Variants in FLT4 observed in about 807,000 individuals in gnomAD.
FLT4 encodes fms related receptor tyrosine kinase 4.
FLT4 carries 30 observed loss-of-function variants against 163.2 expected under a neutral mutation model. The ratio of observed to expected loss-of-function variants is 0.18; its 90% CI spans 0.14 to 0.25. The LOEUF is 0.25. Among genes scored for constraint, FLT4 ranks in the 10% least tolerant of loss-of-function variants. FLT4 has a pLI of 1.00. For missense variants in FLT4, 1,510 were observed against 1,863.8 expected, an observed-to-expected ratio of 0.81 and a Z score of 3.50; for synonymous variants, 884 against 789.5, an observed-to-expected ratio of 1.12 and a Z score of -2.01.
chr5:180,614,687 C>G (rs908030726), intron 23 of FLT4, among the ~76,000 whole-genome samples: 1 of 147,480 alleles, frequency 6.8e-6, no homozygotes, highest in African/African-American at 2.5e-5. Context: ...CCCTGAGGGC[C>G]AGGGCCCTTC....
chr5:180,626,663 C>A (rs886242000), intron 8 of FLT4, among the ~76,000 whole-genome samples: 1 of 152,240 alleles, frequency 6.6e-6, no homozygotes, highest in Non-Finnish European at 1.5e-5. Flanking sequence ...GGGTCCCACA[C>A]ACCTGGTTCC....
rs1295144727 is a variant in FLT4 at position 180,619,029 on chromosome 5, G to C, written c.2842C>G (p.Pro948Ala). 13 of 1,553,076 alleles carry C rather than the reference G, an allele frequency of 8.4e-6. No homozygotes were observed. The highest frequency in any genetic ancestry group is 1.1e-5 in the Non-Finnish European group (13 of 1,149,398). Residue 948 changes from proline (P) to alanine (A), a missense_variant, in exon 20 of 30, where the codon CCC becomes GCC. This residue lies in a region of FLT4 where 878 missense variants were observed against 1,016.7 expected (regional missense o/e 0.86). Transcript: ENST00000261937. ...FLRAKRDAFS[P>A]CAEKSPEQRG... ...GCAGGCCGCCCGCTCACCGCGCAGG[G>C]GCTGAAGGCGTCCCGCTTGGCGCGC...
Position 180,620,139 on chromosome 5 carries a change from A to T in FLT4, c.2542+34T>A. ...GCCTGCAGCAGGTGGGTCGGGCAGG[A>T]GGTGTGGGTTGGGCAGGCTGGTGCT... On this transcript the variant is annotated intron_variant, in intron 17 of 29. Coordinates refer to ENST00000261937, the MANE Select transcript of FLT4 (RefSeq NM_182925.5). The surrounding 1 kb of genome is among the most constrained non-coding windows in gnomAD (Gnocchi z 4.4). 1.3e-6 allele frequency: 2 copies of T among 1,592,406 alleles called. No individual in the cohort carries two copies. Among genetic ancestry groups the T allele is most frequent in the East Asian group, 2.2e-5 (1 of 44,572 alleles).
chr5:180,618,349 G>A (rs1399821316), intron 21 of FLT4, among the ~76,000 whole-genome samples: 1 of 76,328 alleles, frequency 1.3e-5, no homozygotes, highest in Non-Finnish European at 2.8e-5. Flanking sequence ...ACCCTCTCCT[G>A]CCCCTCAGCC....
intron 1 of FLT4, among the ~76,000 whole-genome samples, chr5:180,646,458 C>A (rs1034190248): frequency 2.0e-5 from 3 of 152,220 alleles, no homozygotes; most frequent in African/African-American, 7.2e-5. Context: ...CATTCACCAT[C>A]TGGACTTGCC....
chr5:180,619,357 G>T lies in FLT4; in HGVS notation c.2657C>A (p.Thr886Lys), dbSNP rs771222400. 6.2e-6 allele frequency: 10 copies of T among 1,608,988 alleles called. No homozygotes were observed. Among genetic ancestry groups the T allele is most frequent in the Non-Finnish European group, 7.6e-6 (9 of 1,178,962 alleles). The change falls in exon 19 of 30, where the codon ACG becomes AAG. Residue 886 changes from threonine (T) to lysine (K), a missense_variant. Around this residue, in one of 5 missense-constraint regions of FLT4, gnomAD observed 878 missense variants for 1,016.7 expected, o/e 0.86. Transcript: ENST00000261937. ...VAVKMLKEGA[T>K]ASEHRALMSE... ...CATCAGCGCGCGGTGCTCGCTGGCC[G>T]TGGCGCCCTCTGGAGGGGACACGGG...
intron 29 of FLT4, 122 bp downstream of exon 29, chr5:180,608,846 A>T (rs986259922): frequency 8.2e-6 from 7 of 855,358 alleles, no homozygotes; most frequent in Non-Finnish European, 1.4e-5. Context: ...ACGCGCGAAA[A>T]GGCCATAGGG....
chr5:180,634,848 GGAT>G (rs1159008477), intron 1 of FLT4, among the ~76,000 whole-genome samples: 2 of 109,612 alleles, frequency 1.8e-5, no homozygotes, highest in East Asian at 2.8e-4. Flanking sequence ...ATGCATGGAT[GGAT>G]GGAAGTATGG....
rs1763370264 is a variant in FLT4, at chr5:180,623,848, G to A, written c.1548+87C>T. 1 of 1,558,368 alleles carries A rather than the reference G, an allele frequency of 6.4e-7. No individual in the cohort carries two copies. Among genetic ancestry groups the A allele is most frequent in the East Asian group, 2.2e-5 (1 of 44,576 alleles). On this transcript the variant is annotated intron_variant, in intron 11 of 29. Coordinates refer to ENST00000261937, the MANE Select transcript of FLT4 (RefSeq NM_182925.5). The surrounding 1 kb of genome is among the most constrained non-coding windows in gnomAD (Gnocchi z 5.8). The stretch of plus-strand genomic sequence containing the variant: ...GGCTGCTCTGCCCAGCACTCTGGAA[G>A]CCAGGTGGAAACCACATGGCAGTAA...
At chr5:180,611,704 G>A (rs2127792599) in intron 26 of FLT4, 1 of 602,148 alleles carries the variant, frequency 1.7e-6, no homozygotes, top group East Asian at 2.8e-5. Flanking sequence ...AACAGACCAT[G>A]CGGGCACGTG....
At position 180,602,966 on chromosome 5, in the gene FLT4, G is replaced by GT. The variant is rs1581596084; in HGVS notation, c.*225_*226insA. On this transcript the variant is annotated 3_prime_UTR_variant, in exon 30 of 30. Transcript: ENST00000261937. ...AATGACATCTGAATCTCAGGGGGAG[G>GT]GGCCGGGGCAGCTGGAGCGTGGCCC... 1.7e-6 allele frequency: 1 copy of GT among 598,454 alleles called. No homozygotes were observed. The allele number at this position is 598,454 out of a possible 1,614,324, so 37.1% of individuals were successfully genotyped here.
intron 8 of FLT4, among the ~76,000 whole-genome samples, chr5:180,628,066 G>A (rs536118229): frequency 1.3e-5 from 2 of 152,204 alleles, no homozygotes; most frequent in Non-Finnish European, 1.5e-5. Flanking sequence ...GCCCTGCCAG[G>A]AGGGAGGTGC....
At chr5:180,615,105 G>GACAAGCTCCAATCAGA (rs1188784310) in intron 23 of FLT4, among the ~76,000 whole-genome samples, 1 of 152,102 alleles carries the variant, frequency 6.6e-6, no homozygotes, top group Admixed American at 6.5e-5. Flanking sequence ...GCGGGGCAAA[G>GACAAGCTCCAATCAGA]ACAAGCTCCA....
At chr5:180,616,573 C>T (rs921118521) in intron 22 of FLT4, 84 bp from the exon 23 acceptor site, 6 of 1,477,260 alleles carry the variant, frequency 4.1e-6, no homozygotes, top group Non-Finnish European at 5.6e-6. Context: ...GGTGCCCAAG[C>T]AGTGGGGACC....
At chr5:180,622,052 G>C (rs1400212699) in intron 12 of FLT4, 148 bp from the exon 13 acceptor site, 7 of 879,766 alleles carry the variant, frequency 8.0e-6, no homozygotes, top group African/African-American at 3.4e-5. Context: ...CCCACCAAAA[G>C]CCCAGGTCAT....
chr5:180,619,493 AGAG>A (rs1762957838), intron 18 of FLT4, 127 bp from the exon 19 acceptor site: 1 of 104,226 alleles, frequency 9.6e-6, no homozygotes, highest in Non-Finnish European at 1.6e-5. Flanking sequence ...CCACTGAGGC[AGAG>A]GGGGTTCGGG....
intron 23 of FLT4, among the ~76,000 whole-genome samples, chr5:180,615,253 CCATCTCCA>C (rs1169709620): frequency 7.3e-4 from 85 of 117,032 alleles, no homozygotes; most frequent in South Asian, 2.0e-3. Flanking sequence ...TGGTCAACTC[CCATCTCCA>C]CTTCCGAAAT....
chr5:180,617,769 G>A (rs62407075), intron 21 of FLT4, among the ~76,000 whole-genome samples: 2,895 of 3,570 alleles, frequency 0.81, 1,353 homozygotes, highest in Middle Eastern at 1. Flanking sequence ...GTACACCCAC[G>A]TCCTATTCCA....
chr5:180,631,239 T>G (rs186402023), intron 2 of FLT4, among the ~76,000 whole-genome samples: 7 of 151,566 alleles, frequency 4.6e-5, no homozygotes, highest in Admixed American at 2.0e-4. Flanking sequence ...TTTGGGAGGC[T>G]GAGGTGGGTG....
Sources: gnomAD v4.1 joint callset for allele counts (sites outside exome capture counted in the v4.1 genomes callset) on GRCh38, gnomAD v4.1.1 for gene constraint, gnomAD v4.1.1 regional missense constraint, Gnocchi (gnomAD v3.1) non-coding constraint, MANE v1.5 for transcripts, NCBI Gene and HGNC (gene_info 2026-07-23, HGNC 2026-07-21) for gene names.